The following HDGFL3 variants were observed in gnomAD, a reference collection of about 807,000 sequenced individuals.
HDGFL3 encodes the protein hepatoma-derived growth factor-related protein 3.
Under a neutral mutation model 27.6 loss-of-function variants are expected in HDGFL3, and 6 were observed. The ratio of observed to expected loss-of-function variants is 0.22; its 90% CI spans 0.12 to 0.43. The LOEUF (loss-of-function observed/expected upper bound fraction) is 0.43, where lower values mean the gene tolerates loss of function less well. Among genes scored for constraint, HDGFL3 ranks in the 20% least tolerant of loss-of-function variants. The pLI is 1.00. For missense variants in HDGFL3, 207 were observed against 250.1 expected (o/e 0.83, Z 1.16); for synonymous variants, 88 against 88.9 (o/e 0.99, Z 0.05).
intron 1 of HDGFL3, among the ~76,000 whole-genome samples, chr15:83,178,623 T>G (rs2037341866): frequency 6.6e-6 from 1 of 151,880 alleles, no homozygotes. Flanking sequence ...ATGCCTGCAT[T>G]CCAGCCTGGG....
At chr15:83,163,866 A>G in intron 2 of HDGFL3, 133 bp downstream of exon 2, 1 of 635,792 alleles carries the variant, frequency 1.6e-6, no homozygotes, top group South Asian at 1.9e-5. Flanking sequence ...ACAAAAATAC[A>G]TTATTAACTT....
At chr15:83,143,560 C>A (rs1463537808) in intron 5 of HDGFL3, among the ~76,000 whole-genome samples, 1 of 152,034 alleles carries the variant, frequency 6.6e-6, no homozygotes, top group Non-Finnish European at 1.5e-5. Context: ...CCAGCCTGGG[C>A]GACAGAGCGA....
At chr15:83,182,813 G>GA (rs1376663851) in intron 1 of HDGFL3, among the ~76,000 whole-genome samples, 3 of 152,066 alleles carry the variant, frequency 2.0e-5, no homozygotes, top group African/African-American at 7.2e-5. Flanking sequence ...ATTTAGGGAT[G>GA]AAGTAAATTA....
chr15:83,170,923 T>C lies in HDGFL3; in HGVS notation c.85-6848A>G, dbSNP rs532222394. ...ATCTCATTAAAAAATGGGCAAAATA[T>C]ATGAAGAAACACTTCTCAAAAGAAG... is the stretch of plus-strand genomic sequence containing the variant. On this transcript the variant is annotated intron_variant, in intron 1 of 5. Coordinates refer to ENST00000299633, the MANE Select transcript of HDGFL3 (RefSeq NM_016073.4). 3.7e-5 allele frequency among the ~76,000 whole-genome samples: 5 copies of C among 133,492 alleles called. No homozygotes were observed. In the East Asian group the frequency reaches 1.1e-3, roughly 29 times the overall value. 87.6% of individuals were successfully genotyped at this position (133,492 alleles called of 152,430 possible). A position where few individuals can be genotyped will look rare whatever the true frequency, so the allele number is the denominator to read the frequency against.
chr15:83,173,858 A>C (rs1033717554), intron 1 of HDGFL3, among the ~76,000 whole-genome samples: 1 of 152,216 alleles, frequency 6.6e-6, no homozygotes, highest in Non-Finnish European at 1.5e-5. Context: ...TTTAAAGAAT[A>C]AGAAAAAGGC....
intron 3 of HDGFL3, among the ~76,000 whole-genome samples, chr15:83,117,142 A>T (rs1277803752): frequency 6.6e-6 from 1 of 152,198 alleles, no homozygotes; most frequent in Admixed American, 6.5e-5. Context: ...TGGTCATGGC[A>T]GTGGAAGATG....
At position 83,135,685 on chromosome 15, in the gene HDGFL3, A is replaced by G. The variant is rs1315546321; in HGVS notation, c.*3585T>C. 2 of 152,334 alleles carry G rather than the reference A, an allele frequency of 1.3e-5. No homozygotes were observed. Among genetic ancestry groups the G allele is most frequent in the African/African-American group, 4.8e-5 (2 of 41,574 alleles). 9.4% of individuals were successfully genotyped at this position (152,334 alleles called of 1,614,324 possible). On this transcript the variant is annotated 3_prime_UTR_variant, in exon 6 of 6. Transcript: ENST00000299633. Reference sequence around the variant, plus strand: ...GGCACATTCTGAATGTGTTTTCTGAATAAGTATATAAGTAGAGAGGGAGGC... The same window carrying G: ...GGCACATTCTGAATGTGTTTTCTGAGTAAGTATATAAGTAGAGAGGGAGGC...
At chr15:83,170,950 C>T (rs1477150730) in intron 1 of HDGFL3, among the ~76,000 whole-genome samples, 2 of 148,086 alleles carry the variant, frequency 1.4e-5, no homozygotes, top group East Asian at 2.0e-4. Context: ...CAAAAGAAGA[C>T]ATACAAGCCA....
chr15:83,187,745 C>T (rs898921208), intron 1 of HDGFL3, among the ~76,000 whole-genome samples: 3 of 151,752 alleles, frequency 2.0e-5, no homozygotes, highest in African/African-American at 4.8e-5. Context: ...AAAATTAGCC[C>T]GACATGGTGG....
At chr15:83,151,078 G>A in intron 5 of HDGFL3, 137 bp downstream of exon 5, 2 of 722,586 alleles carry the variant, frequency 2.8e-6, no homozygotes, top group Non-Finnish European at 4.5e-6. Flanking sequence ...TTAAAGGGCT[G>A]AGTGGATGCA....
chr15:83,193,608 C>T lies in HDGFL3; in HGVS notation c.84+13723G>A, dbSNP rs577125481. Among the ~76,000 whole-genome samples, 3 of 152,216 alleles carry T rather than the reference C, an allele frequency of 2.0e-5. No homozygotes were observed. In the East Asian group the frequency reaches 5.8e-4, roughly 29 times the overall value. On this transcript the variant is annotated intron_variant, in intron 1 of 5. Transcript: ENST00000299633. ...GGACCAGATTGAAGACTAGCAGAAA[C>T]AGGAAAAATATGAAAGCAACTCTCC...
chr15:83,136,520 A>C lies in HDGFL3; in HGVS notation c.*2750T>G. 1.2e-6 allele frequency: 2 copies of C among 1,605,268 alleles called. No individual in the cohort carries two copies. The highest frequency in any genetic ancestry group is 1.7e-6 in the Non-Finnish European group (2 of 1,177,904). ...CATTGGTGCATCTCTTCATGCTAGA[A>C]CTGCTTATGTCTACAGAGTCCCTGA... On this transcript the variant is annotated 3_prime_UTR_variant, in exon 6 of 6. Transcript: ENST00000299633.
At chr15:83,114,336 A>G (rs2034460260) in exon 4 of HDGFL3, 1 of 152,304 alleles carries the variant, frequency 6.6e-6, no homozygotes, top group Non-Finnish European at 1.5e-5. Context: ...CACGTACTAG[A>G]AGGCAGAGAC....
rs1158455014 is a variant in HDGFL3 at position 83,129,783 on chromosome 15, T to A, written c.*9487A>T. 1 of 152,346 alleles carries A rather than the reference T, an allele frequency of 6.6e-6. No homozygotes were observed. The highest frequency in any genetic ancestry group is 2.4e-5 in the African/African-American group (1 of 41,448). The allele number at this position is 152,346 out of a possible 1,614,324, so 9.4% of individuals were successfully genotyped here. A position where few individuals can be genotyped will look rare whatever the true frequency, so the allele number is the denominator to read the frequency against. ...AGGGCCAAGTGGGGCTTTATTAGGC[T>A]GAGCCTCTCCAGGGAATAACCCAGG... is the stretch of plus-strand genomic sequence containing the variant. On this transcript the variant is annotated 3_prime_UTR_variant, in exon 6 of 6. Coordinates refer to ENST00000299633, the MANE Select transcript of HDGFL3 (RefSeq NM_016073.4).
At chr15:83,201,928 C>A (rs559733771) in intron 1 of HDGFL3, among the ~76,000 whole-genome samples, 23 of 152,164 alleles carry the variant, frequency 1.5e-4, no homozygotes, top group Non-Finnish European at 2.9e-4. Context: ...CAGGACTGAA[C>A]AACTGATGTA....
intron 4 of HDGFL3, among the ~76,000 whole-genome samples, chr15:83,152,439 G>A (rs1217290902): frequency 3.3e-5 from 5 of 152,044 alleles, no homozygotes; most frequent in African/African-American, 4.8e-5. Context: ...AGTGGCTCAC[G>A]CCTTTAATCT....
chr15:83,165,794 C>CAAAAAA (rs57873221), intron 1 of HDGFL3, among the ~76,000 whole-genome samples: 297 of 13,706 alleles, frequency 0.022, no homozygotes, highest in Middle Eastern at 0.083. Context: ...GAATCCATCT[C>CAAAAAA]AAAAAAAAAA....
At chr15:83,114,664 C>T (rs2034493837) in exon 4 of HDGFL3, 1 of 152,478 alleles carries the variant, frequency 6.6e-6, no homozygotes, top group South Asian at 2.1e-4. Context: ...ATTAACCATC[C>T]CCACACTCCT....
At chr15:83,143,036 G>A (rs1288212051) in intron 5 of HDGFL3, among the ~76,000 whole-genome samples, 1 of 151,044 alleles carries the variant, frequency 6.6e-6, no homozygotes, top group Non-Finnish European at 1.5e-5. Context: ...TTTTTTTTGA[G>A]ACGGAGTCTT....
Sources: allele counts gnomAD v4.1 joint callset (sites outside exome capture counted in the v4.1 genomes callset), GRCh38; gene constraint gnomAD v4.1.1; transcripts MANE v1.5; gene names NCBI Gene and HGNC (gene_info 2026-07-23, HGNC 2026-07-21).